The following CRB1 variants were observed in gnomAD, a reference collection of about 807,000 sequenced individuals.
CRB1 encodes the protein crumbs cell polarity complex component 1, also known as protein crumbs homolog 1.
A neutral mutation model predicts 120.0 loss-of-function variants in CRB1; 83 were observed. The ratio of observed to expected loss-of-function variants is 0.69; its 90% CI spans 0.58 to 0.83. The LOEUF (loss-of-function observed/expected upper bound fraction) is 0.83. CRB1 is among the 40% of genes least tolerant of loss of function. The pLI, the probability that CRB1 is intolerant of heterozygous loss-of-function variation, is 0.00. For missense variants in CRB1, 1,699 were observed against 1,687.6 expected (o/e 1.01, Z -0.12); for synonymous variants, 625 against 612.5 (o/e 1.02, Z -0.30).
chr1:197,235,179 G>A, the CRB1 span, among the ~76,000 whole-genome samples: 6 of 152,096 alleles, frequency 3.9e-5, no homozygotes, highest in South Asian at 2.1e-4. Context: ...TCAGAGACTC[G>A]GTAGGGGAAC....
intron 11 of CRB1, among the ~76,000 whole-genome samples, chr1:197,469,316 A>G (rs1215346057): frequency 6.6e-6 from 1 of 152,232 alleles, no homozygotes; most frequent in Non-Finnish European, 1.5e-5. Context: ...TCACGTAAGT[A>G]CGGTCATTTT....
At chr1:197,358,290 C>T (rs2125357005) in intron 5 of CRB1, among the ~76,000 whole-genome samples, 1 of 152,010 alleles carries the variant, frequency 6.6e-6, no homozygotes, top group African/African-American at 2.4e-5. Context: ...TTATATTTTT[C>T]TTGGAATAAG....
At chr1:197,464,295 A>G (rs1337662219) in intron 11 of CRB1, among the ~76,000 whole-genome samples, 1 of 152,168 alleles carries the variant, frequency 6.6e-6, no homozygotes, top group Non-Finnish European at 1.5e-5. Context: ...TGAAAAGAAC[A>G]TGAGCACTGA....
At chr1:197,448,397 T>C (rs1665803196) in intron 11 of CRB1, among the ~76,000 whole-genome samples, 1 of 152,242 alleles carries the variant, frequency 6.6e-6, no homozygotes, top group South Asian at 2.1e-4. Flanking sequence ...CCTGTTTTTG[T>C]GCTCTTAGTT....
At chr1:197,222,411 CTAT>C in the CRB1 span, 1 of 767,838 alleles carries the variant, frequency 1.3e-6, no homozygotes. Context: ...AGTAGGTGAC[CTAT>C]TTCATCGTCC....
intron 1 of CRB1, among the ~76,000 whole-genome samples, chr1:197,313,660 C>T (rs373849958): frequency 8.5e-5 from 13 of 152,130 alleles, no homozygotes; most frequent in African/African-American, 3.1e-4. Context: ...CCATGATATC[C>T]ACTTTTTTCA....
intron 1 of CRB1, among the ~76,000 whole-genome samples, chr1:197,315,860 C>A (rs1352424002): frequency 6.6e-6 from 1 of 152,116 alleles, no homozygotes; most frequent in Non-Finnish European, 1.5e-5. Flanking sequence ...TAAATTATTT[C>A]TTTTCAAATA....
At chr1:197,237,999 T>A in the CRB1 span, among the ~76,000 whole-genome samples, 1 of 152,206 alleles carries the variant, frequency 6.6e-6, no homozygotes, top group Non-Finnish European at 1.5e-5. Context: ...AATTTTCCTC[T>A]CAGCAATACT....
intron 11 of CRB1, among the ~76,000 whole-genome samples, chr1:197,465,347 T>C (rs1178928738): frequency 6.6e-6 from 1 of 152,200 alleles, no homozygotes; most frequent in African/African-American, 2.4e-5. Context: ...CGTATTTAGG[T>C]GAACTGTTAG....
At chr1:197,429,223 T>TTTATATCTTTTCTC in intron 7 of CRB1, 1 of 1,462,358 alleles carries the variant, frequency 6.8e-7, no homozygotes, top group East Asian at 2.5e-5. Flanking sequence ...ATGGATCAAT[T>TTTATATCTTTTCTC]TTATATCTTT....
At chr1:197,360,257 A>G (rs1329260355) in intron 5 of CRB1, 7 of 152,224 alleles carry the variant, frequency 4.6e-5, no homozygotes, top group African/African-American at 1.7e-4. Flanking sequence ...TTCAGACTCA[A>G]TATGTACTCC....
At chr1:197,380,317 A>C (rs1435136581) in intron 5 of CRB1, among the ~76,000 whole-genome samples, 2 of 152,212 alleles carry the variant, frequency 1.3e-5, no homozygotes, top group African/African-American at 4.8e-5. Flanking sequence ...ACTCCAACAC[A>C]ATTCATTATA....
chr1:197,358,174 G>C (rs1660586583), intron 5 of CRB1: 1 of 151,936 alleles, frequency 6.6e-6, no homozygotes. Flanking sequence ...CTCACCTCTG[G>C]GGATATTTAA....
chr1:197,275,904 G>A (rs1414262983), intron 1 of CRB1, among the ~76,000 whole-genome samples: 4 of 151,318 alleles, frequency 2.6e-5, no homozygotes, highest in East Asian at 3.9e-4. Flanking sequence ...TTTATTTTAT[G>A]TACATATTTT....
At chr1:197,401,093 G>T (rs2125432786) in intron 5 of CRB1, among the ~76,000 whole-genome samples, 1 of 152,014 alleles carries the variant, frequency 6.6e-6, no homozygotes, top group African/African-American at 2.4e-5. Flanking sequence ...CAATTTTTGA[G>T]TCCTTGCCTT....
intron 11 of CRB1, among the ~76,000 whole-genome samples, chr1:197,477,259 A>G (rs1210802128): frequency 1.3e-5 from 2 of 152,102 alleles, no homozygotes; most frequent in Non-Finnish European, 2.9e-5. Context: ...TAAAATAACC[A>G]TTTCTTCAGT....
At chr1:197,241,950 G>T in the CRB1 span, among the ~76,000 whole-genome samples, 1 of 152,054 alleles carries the variant, frequency 6.6e-6, no homozygotes, top group African/African-American at 2.4e-5. Flanking sequence ...TCTGTTTGTA[G>T]CAATTGTGAA....
the CRB1 span, among the ~76,000 whole-genome samples, chr1:197,211,652 G>A: frequency 1.3e-5 from 2 of 152,044 alleles, no homozygotes; most frequent in African/African-American, 2.4e-5. Context: ...CACCACAAAG[G>A]GGATTAGGTT....
At chr1:197,379,939 G>A (rs1478451211) in intron 5 of CRB1, among the ~76,000 whole-genome samples, 1 of 152,146 alleles carries the variant, frequency 6.6e-6, no homozygotes, top group Non-Finnish European at 1.5e-5. Context: ...TTCAACAACT[G>A]AATTAAGGAT....
Sources: allele counts gnomAD v4.1 joint callset (sites outside exome capture counted in the v4.1 genomes callset), GRCh38; gene constraint gnomAD v4.1.1; transcripts MANE v1.5; gene names NCBI Gene and HGNC (gene_info 2026-07-23, HGNC 2026-07-21).